MAJIN: variants seen among roughly 807,000 people sequenced by gnomAD.
MAJIN encodes membrane anchored junction protein.
A neutral mutation model predicts 30.2 loss-of-function variants in MAJIN; 27 were observed. The ratio of observed to expected loss-of-function variants is 0.89; its 90% CI spans 0.66 to 1.23. The LOEUF is 1.23. Among genes scored for constraint, MAJIN ranks in the 50% most tolerant of loss-of-function variants. MAJIN has a pLI of 0.00. For synonymous variants in MAJIN, 78 were observed against 91.6 expected (o/e 0.85, Z 0.85); for missense variants, 253 against 260.3 (o/e 0.97, Z 0.19).
Position 64,940,572 on chromosome 11 carries a change from A to C in MAJIN, c.546+2T>G. On this transcript the variant is annotated splice_donor_variant, in intron 9 of 10. Coordinates refer to ENST00000301896, the MANE Select transcript of MAJIN (RefSeq NM_001037225.3). LOFTEE classifies it high-confidence loss of function. ...AATAAATGGAAATTTCCCAGGACCT[A>C]CCTTGTTTCTGGACATCAGTGATAT... 2 of 1,612,858 alleles carry C rather than the reference A, an allele frequency of 1.2e-6. No individual in the cohort carries two copies. Among genetic ancestry groups the C allele is most frequent in the Non-Finnish European group, 1.7e-6 (2 of 1,178,924 alleles).
chr11:64,949,498 G>C (rs1384707066), intron 6 of MAJIN, among the ~76,000 whole-genome samples: 1 of 152,110 alleles, frequency 6.6e-6, no homozygotes, highest in Non-Finnish European at 1.5e-5. Context: ...CAATGATATA[G>C]GTAGTAATAT....
chr11:64,942,744 A>G (rs1945397490), intron 8 of MAJIN, among the ~76,000 whole-genome samples: 1 of 152,244 alleles, frequency 6.6e-6, no homozygotes, highest in Non-Finnish European at 1.5e-5. Context: ...GGGGAGGAAG[A>G]AGACCATTCT....
At chr11:64,963,786 C>A (rs557210854) in intron 1 of MAJIN, among the ~76,000 whole-genome samples, 1 of 152,146 alleles carries the variant, frequency 6.6e-6, no homozygotes, top group Non-Finnish European at 1.5e-5. Context: ...CTGCGATGAA[C>A]CAAGATTGCG....
At position 64,949,742 on chromosome 11, in the gene MAJIN, C is replaced by T. The variant is rs150526932; in HGVS notation, c.349+1G>A. 2 of 1,612,570 alleles carry T rather than the reference C, an allele frequency of 1.2e-6. No homozygotes were observed. Among genetic ancestry groups the T allele is most frequent in the African/African-American group, 1.3e-5 (1 of 74,900 alleles). On this transcript the variant is annotated splice_donor_variant, in intron 6 of 10. Transcript: ENST00000301896. LOFTEE classifies it high-confidence loss of function. ...ATCCACATTCACATCATTCCACTTA[C>T]CAGGTGACAGGTTTTCATGGAACCA...
At chr11:64,953,437 G>C (rs904060205) in intron 4 of MAJIN, among the ~76,000 whole-genome samples, 1 of 152,192 alleles carries the variant, frequency 6.6e-6, no homozygotes, top group Non-Finnish European at 1.5e-5. Flanking sequence ...GCTTCCGTGA[G>C]CTTTTCACTG....
At chr11:64,953,260 G>T (rs1344316294) in intron 4 of MAJIN, among the ~76,000 whole-genome samples, 1 of 152,044 alleles carries the variant, frequency 6.6e-6, no homozygotes, top group Non-Finnish European at 1.5e-5. Context: ...ACTCAGGGAG[G>T]GTAGGTACTT....
At position 64,972,030 on chromosome 11, in the gene MAJIN, G is replaced by C. The variant is rs1309305344; in HGVS notation, c.-218C>G. Reference sequence around the variant, plus strand: ...CCAACCTCGAACGAAGTCGTTTTGAGGGACTGGCTCGCCAGCTCCTAAGCA... The same window carrying C: ...CCAACCTCGAACGAAGTCGTTTTGACGGACTGGCTCGCCAGCTCCTAAGCA... On this transcript the variant is annotated 5_prime_UTR_variant, in exon 1 of 11. Coordinates refer to ENST00000301896, the MANE Select transcript of MAJIN (RefSeq NM_001037225.3). 1 of 152,232 alleles carries C rather than the reference G, an allele frequency of 6.6e-6. No homozygotes were observed. Among genetic ancestry groups the C allele is most frequent in the Non-Finnish European group, 1.5e-5 (1 of 68,058 alleles). 9.4% of individuals were successfully genotyped at this position (152,232 alleles called of 1,614,324 possible). A position where few individuals can be genotyped will look rare whatever the true frequency, so the allele number is the denominator to read the frequency against.
rs369863006 is a variant in MAJIN at position 64,939,755 on chromosome 11, C to T, written c.559G>A (p.Asp187Asn). Reference sequence around the variant, plus strand: ...GACAATTCGCCCTGGCAGGCTGTGTCCCCACTCAGAATCTGTAAGGAAAAC... The same window carrying T: ...GACAATTCGCCCTGGCAGGCTGTGTTCCCACTCAGAATCTGTAAGGAAAAC... Reference protein sequence around the residue: ...LMSRNKILSGDTACQGELSHP... With the variant: ...LMSRNKILSGNTACQGELSHP... The change falls in exon 10 of 11, where the codon GAC becomes AAC. Residue 187 changes from aspartate to asparagine, a missense_variant. Transcript: ENST00000301896. 34 of 1,613,616 alleles carry T rather than the reference C, an allele frequency of 2.1e-5. No individual in the cohort carries two copies. The highest frequency in any genetic ancestry group is 2.7e-5 in the Non-Finnish European group (32 of 1,179,824).
intron 3 of MAJIN, among the ~76,000 whole-genome samples, chr11:64,956,564 T>C (rs185479178): frequency 9.9e-5 from 15 of 152,092 alleles, no homozygotes; most frequent in Admixed American, 1.3e-4. Context: ...TGGATTTTAA[T>C]GTAACAGAGT....
intron 8 of MAJIN, among the ~76,000 whole-genome samples, chr11:64,946,687 C>A (rs1945457361): frequency 2.6e-5 from 4 of 152,130 alleles, no homozygotes; most frequent in Admixed American, 2.6e-4. Flanking sequence ...GTGGAAGCAT[C>A]TTGGGCTAGG....
intron 3 of MAJIN, among the ~76,000 whole-genome samples, chr11:64,955,463 T>C (rs1945616868): frequency 1.3e-5 from 2 of 152,250 alleles, no homozygotes; most frequent in Non-Finnish European, 2.9e-5. Flanking sequence ...AACTCACTTG[T>C]GTGACTGTTT....
rs1224678151 is a variant in MAJIN, at chr11:64,949,954, CT to C, written c.224-87del. ...AGGGATGAGACTCTCTCTCCTTCCC[CT>C]GACCTACCCTCCAAACTGCCTATGG... On this transcript the variant is annotated intron_variant, in intron 5 of 10. Coordinates refer to ENST00000301896, the MANE Select transcript of MAJIN (RefSeq NM_001037225.3). 8.7e-6 allele frequency: 13 copies of C among 1,499,888 alleles called. No individual in the cohort carries two copies. The African/African-American group carries it at 1.5e-4, about 18-fold the overall frequency. The allele number at this position is 1,499,888 out of a possible 1,614,324, so 92.9% of individuals were successfully genotyped here.
chr11:64,961,002 A>G (rs1945712411), intron 1 of MAJIN, among the ~76,000 whole-genome samples: 2 of 152,220 alleles, frequency 1.3e-5, no homozygotes, highest in Admixed American at 1.3e-4. Flanking sequence ...ATATCCTGAG[A>G]AAAAACTGAT....
intron 4 of MAJIN, among the ~76,000 whole-genome samples, chr11:64,952,185 G>A (rs112781601): frequency 0.046 from 6,946 of 151,770 alleles, 184 homozygotes; most frequent in Middle Eastern, 0.065. Flanking sequence ...GACCACGCCC[G>A]GCCTTTTTTT....
chr11:64,947,404 G>A lies in MAJIN; in HGVS notation c.443C>T (p.Pro148Leu), dbSNP rs1409979704. 1 of 1,613,530 alleles carries A rather than the reference G, an allele frequency of 6.2e-7. No individual in the cohort carries two copies. Among genetic ancestry groups the A allele is most frequent in the East Asian group, 2.2e-5 (1 of 44,894 alleles). Reference protein sequence around the residue: ...VMRKRKHMDEPSSPSRPGLDR... With the variant: ...VMRKRKHMDELSSPSRPGLDR... ...CAGCCCTGGCCTGCTGGGGGAGCTG[G>A]GCTCGTCCATGTGTTTTCGTTTCCT... Residue 148 changes from proline to leucine, a missense_variant, in exon 8 of 11, where the codon CCC becomes CTC. Transcript: ENST00000301896.
chr11:64,954,186 C>T (rs896694311), intron 4 of MAJIN: 1 of 172,208 alleles, frequency 5.8e-6, no homozygotes, highest in African/African-American at 2.4e-5. Flanking sequence ...CAGGGCCAAC[C>T]CCCAGAACTC....
rs189312473 is a variant in MAJIN at position 64,939,089 on chromosome 11, C to T, written c.*2-516G>A. On this transcript the variant is annotated intron_variant, in intron 10 of 10. Coordinates refer to ENST00000301896, the MANE Select transcript of MAJIN (RefSeq NM_001037225.3). The stretch of plus-strand genomic sequence containing the variant: ...GGATTACAGAACATTCCACCACATC[C>T]GGCTAATTTTATTTTATTTTATTTT... Among the ~76,000 whole-genome samples the T allele has an allele frequency of 1.1e-4, 17 of 152,160 alleles. No homozygotes were observed. The East Asian group carries it at 2.5e-3, about 22-fold the overall frequency.
At chr11:64,948,532 C>A (rs1247774507) in intron 6 of MAJIN, among the ~76,000 whole-genome samples, 1 of 136,994 alleles carries the variant, frequency 7.3e-6, no homozygotes, top group African/African-American at 2.7e-5. Context: ...CAGGTTCAAG[C>A]AATTCTCCTC....
intron 6 of MAJIN, among the ~76,000 whole-genome samples, chr11:64,948,425 C>T (rs1945484218): frequency 6.6e-6 from 1 of 150,492 alleles, no homozygotes; most frequent in Admixed American, 6.7e-5. Flanking sequence ...GGCCTTTGCA[C>T]CCCTTTTCTT....
Sources: allele counts gnomAD v4.1 joint callset (sites outside exome capture counted in the v4.1 genomes callset), GRCh38; gene constraint gnomAD v4.1.1; transcripts MANE v1.5; gene names NCBI Gene and HGNC (gene_info 2026-07-23, HGNC 2026-07-21).